RARB: variants seen among roughly 807,000 people sequenced by gnomAD.
The protein encoded by RARB is retinoic acid receptor beta.
A neutral mutation model predicts 51.9 loss-of-function variants in RARB; 17 were observed. The observed-to-expected ratio is 0.33, with a 90% CI of 0.22 to 0.49. The LOEUF (loss-of-function observed/expected upper bound fraction) is 0.49. RARB is among the 20% of genes least tolerant of loss of function. RARB has a pLI of 0.99. For synonymous variants in RARB, 215 were observed against 195.4 expected (o/e 1.10, Z -0.84); for missense variants, 369 against 550.8 (o/e 0.67, Z 3.30).
Position 25,278,801 on chromosome 3 carries a change from A to G in RARB, c.178+104226A>G, listed in dbSNP as rs151162528. On this transcript the variant is annotated intron_variant, in intron 5 of 11. Transcript: ENST00000383772. Reference sequence around the variant, plus strand: ...ATAGCTGGGCCAGCACATTCTACTCAGTAACACTACTAAAGGATAACACAA... The same window carrying G: ...ATAGCTGGGCCAGCACATTCTACTCGGTAACACTACTAAAGGATAACACAA... Among the ~76,000 whole-genome samples the G allele has an allele frequency of 1.4e-3, 216 of 152,340 alleles. 6 individuals are homozygous for G. The East Asian group carries it at 0.037, about 26-fold the overall frequency.
intron 3 of RARB, among the ~76,000 whole-genome samples, chr3:25,558,177 C>T (rs1162317691): frequency 6.6e-6 from 1 of 152,156 alleles, no homozygotes; most frequent in Non-Finnish European, 1.5e-5. Flanking sequence ...TTTTCAAGCG[C>T]TTGGCCTCAA....
chr3:25,389,981 C>T (rs114512419), intron 5 of RARB, among the ~76,000 whole-genome samples: 305 of 152,064 alleles, frequency 2.0e-3, no homozygotes, highest in African/African-American at 6.9e-3. Flanking sequence ...TTGGATTGGT[C>T]GTGGCTCAAG....
chr3:25,022,511 G>A (rs368705408), intron 2 of RARB, among the ~76,000 whole-genome samples: 2 of 152,116 alleles, frequency 1.3e-5, no homozygotes, highest in African/African-American at 4.8e-5. Flanking sequence ...TAAAAACTCT[G>A]GTCAAACTAT....
intron 2 of RARB, among the ~76,000 whole-genome samples, chr3:25,035,193 C>T (rs1208900071): frequency 6.6e-6 from 1 of 152,098 alleles, no homozygotes; most frequent in Admixed American, 6.5e-5. Flanking sequence ...ACCATCTTGG[C>T]TCACTATAGC....
intron 2 of RARB, among the ~76,000 whole-genome samples, chr3:25,006,939 T>G (rs1294606746): frequency 6.6e-6 from 1 of 152,180 alleles, no homozygotes; most frequent in African/African-American, 2.4e-5. Flanking sequence ...TATCCTCCAA[T>G]GTAATATTTT....
At chr3:25,327,223 A>AT (rs201328430) in intron 5 of RARB, among the ~76,000 whole-genome samples, 22 of 151,810 alleles carry the variant, frequency 1.4e-4, no homozygotes, top group South Asian at 4.2e-4. Flanking sequence ...GGAAGAAATT[A>AT]TTTTTTTTTA....
intron 5 of RARB, among the ~76,000 whole-genome samples, chr3:25,372,922 T>G (rs1706347164): frequency 6.6e-6 from 1 of 152,120 alleles, no homozygotes; most frequent in African/African-American, 2.4e-5. Context: ...AGTCACAGGA[T>G]TTACTGATGG....
intron 2 of RARB, among the ~76,000 whole-genome samples, chr3:24,872,790 A>T (rs1702972404): frequency 6.6e-6 from 1 of 152,168 alleles, no homozygotes; most frequent in Non-Finnish European, 1.5e-5. Flanking sequence ...TTTGCAGAGG[A>T]CAAACATCTG....
rs892365231 is a variant in RARB, at chr3:24,858,227, G to GT, written c.-458-437dup. Among the ~76,000 whole-genome samples, 37 of 149,746 alleles carry GT rather than the reference G, an allele frequency of 2.5e-4. 1 individual carries two copies. Among genetic ancestry groups the GT allele is most frequent in the South Asian group, 2.3e-3 (11 of 4,716 alleles). The stretch of plus-strand genomic sequence containing the variant: ...GATGAAACCAAGAAGATTACAACAT[G>GT]TTTTTTTTTTCTTCTTATAAATCTT... On this transcript the variant is annotated intron_variant, in intron 1 of 11. Coordinates refer to the RARB transcript ENST00000383772.
intron 3 of RARB, among the ~76,000 whole-genome samples, chr3:25,107,830 A>G (rs942668480): frequency 3.3e-5 from 5 of 152,248 alleles, no homozygotes; most frequent in Non-Finnish European, 5.9e-5. Flanking sequence ...TTTCGTGGAT[A>G]AAATACTTGT....
At position 25,213,195 on chromosome 3, in the gene RARB, C is replaced by T. The variant is rs370309677; in HGVS notation, c.178+38620C>T. ...GTCAAAAAAGAGAAAATTACCAGCA[C>T]CTGACGAGCACCTTATTTTCCCACT... On this transcript the variant is annotated intron_variant, in intron 5 of 11. Transcript: ENST00000383772. Among the ~76,000 whole-genome samples the T allele has an allele frequency of 4.0e-4, 61 of 152,224 alleles. No homozygotes were observed. In the South Asian group the frequency reaches 0.012, roughly 30 times the overall value.
At chr3:25,191,350 C>A (rs982685581) in intron 5 of RARB, among the ~76,000 whole-genome samples, 1 of 152,062 alleles carries the variant, frequency 6.6e-6, no homozygotes, top group African/African-American at 2.4e-5. Context: ...TTTTATATCT[C>A]TAATAAAGAA....
At chr3:25,124,466 A>G (rs6550951) in intron 3 of RARB, among the ~76,000 whole-genome samples, 77,362 of 152,020 alleles carry the variant, frequency 0.51, 20,099 homozygotes, top group East Asian at 0.7. Context: ...TACACTTACC[A>G]TGTTAATAGG....
intron 2 of RARB, among the ~76,000 whole-genome samples, chr3:24,980,218 C>T (rs1308153910): frequency 6.6e-6 from 1 of 152,124 alleles, no homozygotes; most frequent in African/African-American, 2.4e-5. Context: ...TCCTTCATTT[C>T]AACCTTGGTG....
chr3:25,150,985 A>T (rs982518294), intron 4 of RARB, among the ~76,000 whole-genome samples: 3 of 152,218 alleles, frequency 2.0e-5, no homozygotes, highest in Non-Finnish European at 2.9e-5. Context: ...GCTAATCTAT[A>T]CAATATTTTC....
At chr3:25,372,273 T>C (rs953643952) in intron 5 of RARB, among the ~76,000 whole-genome samples, 1 of 152,208 alleles carries the variant, frequency 6.6e-6, no homozygotes, top group Non-Finnish European at 1.5e-5. Context: ...CTATGTATTG[T>C]AGGATATTTA....
chr3:25,537,233 T>C (rs765853770), intron 3 of RARB, among the ~76,000 whole-genome samples: 15 of 152,194 alleles, frequency 9.9e-5, no homozygotes, highest in Non-Finnish European at 2.1e-4. Flanking sequence ...GGAAAGCGGC[T>C]GACAACAAGA....
At chr3:24,868,977 G>A (rs1702898808) in intron 2 of RARB, among the ~76,000 whole-genome samples, 1 of 152,056 alleles carries the variant, frequency 6.6e-6, no homozygotes, top group African/African-American at 2.4e-5. Flanking sequence ...CATGTTCTCA[G>A]GATCTTCTGA....
intron 2 of RARB, among the ~76,000 whole-genome samples, chr3:25,015,722 T>G (rs17015580): frequency 0.099 from 15,074 of 152,180 alleles, 2,440 homozygotes; most frequent in African/African-American, 0.34. Context: ...TTCTTTTCTG[T>G]TTTTGGTCAG....
Sources: allele counts gnomAD v4.1 joint callset (sites outside exome capture counted in the v4.1 genomes callset), GRCh38; gene constraint gnomAD v4.1.1; transcripts MANE v1.5; gene names NCBI Gene and HGNC (gene_info 2026-07-23, HGNC 2026-07-21).